Variants in LEF1 observed in about 807,000 individuals in gnomAD.
LEF1 encodes lymphoid enhancer-binding factor 1.
A neutral mutation model predicts 51.2 loss-of-function variants in LEF1; 14 were observed. The ratio of observed to expected loss-of-function variants is 0.27; its 90% CI spans 0.18 to 0.43. The LOEUF is 0.43. LEF1 is among the 20% of genes least tolerant of loss of function. The probability of loss-of-function intolerance (pLI) is 1.00; values close to 1 mark genes in which losing one functional copy is unlikely to be tolerated. For missense variants in LEF1, 386 were observed against 512.0 expected (o/e 0.75, Z 2.37); for synonymous variants, 185 against 183.2 (o/e 1.01, Z -0.08).
chr4:108,078,640 C>T (rs1299936834), intron 7 of LEF1, among the ~76,000 whole-genome samples: 1 of 152,126 alleles, frequency 6.6e-6, no homozygotes, highest in Non-Finnish European at 1.5e-5. Flanking sequence ...GAAAGTGGAC[C>T]TGTCATTATA....
At chr4:108,082,058 T>C (rs1739342181) in intron 5 of LEF1, among the ~76,000 whole-genome samples, 2 of 152,192 alleles carry the variant, frequency 1.3e-5, no homozygotes, top group Non-Finnish European at 2.9e-5. Flanking sequence ...ATCAGAATCT[T>C]TGAGAATTTC....
chr4:108,077,462 G>A (rs1738949902), intron 8 of LEF1, among the ~76,000 whole-genome samples: 1 of 124,276 alleles, frequency 8.0e-6, no homozygotes, highest in Non-Finnish European at 1.8e-5. Flanking sequence ...CCCAGTCTGG[G>A]AAGTGAGGGG....
intron 3 of LEF1, among the ~76,000 whole-genome samples, chr4:108,107,012 G>T (rs1741211495): frequency 6.6e-6 from 1 of 152,180 alleles, no homozygotes. Flanking sequence ...CCAACAGCTG[G>T]CTGGTCACTT....
intron 3 of LEF1, among the ~76,000 whole-genome samples, chr4:108,104,189 G>A (rs900252464): frequency 6.6e-6 from 1 of 151,964 alleles, no homozygotes; most frequent in Non-Finnish European, 1.5e-5. Flanking sequence ...ATATGTATAT[G>A]AAATGTCCGG....
intron 3 of LEF1, among the ~76,000 whole-genome samples, chr4:108,111,655 T>C (rs1316264462): frequency 6.6e-6 from 1 of 152,210 alleles, no homozygotes; most frequent in African/African-American, 2.4e-5. Flanking sequence ...CTCACGCCTG[T>C]AATCCTAGCA....
At chr4:108,067,675 G>A (rs1451281511) in intron 9 of LEF1, among the ~76,000 whole-genome samples, 2 of 151,816 alleles carry the variant, frequency 1.3e-5, no homozygotes, top group African/African-American at 2.4e-5. Flanking sequence ...GATTACAGGC[G>A]CACACCACCA....
At chr4:108,099,584 A>G (rs796996950) in intron 3 of LEF1, among the ~76,000 whole-genome samples, 3,531 of 30,222 alleles carry the variant, frequency 0.12, 255 homozygotes, top group Middle Eastern at 0.34. Context: ...ATATATATAT[A>G]TATATATATA....
At chr4:108,144,865 C>CAAAAA (rs11394687) in intron 3 of LEF1, among the ~76,000 whole-genome samples, 734 of 41,798 alleles carry the variant, frequency 0.018, 5 homozygotes, top group African/African-American at 0.022. Context: ...CCCAACCAGC[C>CAAAAA]AAAAAAAAAA....
chr4:108,092,811 C>A (rs1740109034), intron 3 of LEF1, among the ~76,000 whole-genome samples: 1 of 150,078 alleles, frequency 6.7e-6, no homozygotes, highest in Admixed American at 6.7e-5. Context: ...ATTCTAGCAC[C>A]AATGACCAAC....
intron 11 of LEF1, among the ~76,000 whole-genome samples, chr4:108,054,333 T>C (rs1007570280): frequency 6.6e-6 from 1 of 152,194 alleles, no homozygotes; most frequent in Non-Finnish European, 1.5e-5. Flanking sequence ...TGAAGCAGCG[T>C]AGTGAGTGCA....
chr4:108,084,762 T>C (rs1300080639), intron 4 of LEF1, among the ~76,000 whole-genome samples: 1 of 152,200 alleles, frequency 6.6e-6, no homozygotes, highest in Non-Finnish European at 1.5e-5. Flanking sequence ...AAATACTGAC[T>C]CTTTTGGTTA....
At chr4:108,147,536 A>C (rs1201304868) in intron 3 of LEF1, among the ~76,000 whole-genome samples, 1 of 152,206 alleles carries the variant, frequency 6.6e-6, no homozygotes, top group Non-Finnish European at 1.5e-5. Flanking sequence ...CTATAGATAC[A>C]TAAGAAGCCC....
At chr4:108,131,814 A>T (rs1742916631) in intron 3 of LEF1, among the ~76,000 whole-genome samples, 1 of 152,232 alleles carries the variant, frequency 6.6e-6, no homozygotes, top group Non-Finnish European at 1.5e-5. Flanking sequence ...AAAAACTCCC[A>T]GTAAAAAAAA....
At chr4:108,049,711 A>T (rs1456303518) in intron 11 of LEF1, among the ~76,000 whole-genome samples, 1 of 152,260 alleles carries the variant, frequency 6.6e-6, no homozygotes, top group African/African-American at 2.4e-5. Context: ...TTACAAGCAC[A>T]AGTTTCCTTT....
At chr4:108,091,700 G>C (rs1370947345) in intron 3 of LEF1, among the ~76,000 whole-genome samples, 1 of 151,956 alleles carries the variant, frequency 6.6e-6, no homozygotes, top group Non-Finnish European at 1.5e-5. Context: ...AATGCTTTTC[G>C]AGTGTTAATG....
intron 3 of LEF1, among the ~76,000 whole-genome samples, chr4:108,163,315 C>A (rs1745178117): frequency 6.6e-6 from 1 of 152,044 alleles, no homozygotes; most frequent in African/African-American, 2.4e-5. Context: ...GATGTAACTT[C>A]ACTTGATTTT....
At chr4:108,109,794 T>G (rs189723647) in intron 3 of LEF1, among the ~76,000 whole-genome samples, 3 of 152,256 alleles carry the variant, frequency 2.0e-5, no homozygotes, top group Admixed American at 2.0e-4. Flanking sequence ...ATGGTTTTTT[T>G]AATCCAGAGA....
At chr4:108,079,455 CT>C in intron 7 of LEF1, 36 bp downstream of exon 7, 1 of 1,611,736 alleles carries the variant, frequency 6.2e-7, no homozygotes, top group Non-Finnish European at 8.5e-7. Context: ...CCTCAGTATC[CT>C]AAGGCAATCA....
At chr4:108,166,183 C>A in intron 1 of LEF1, 1 of 1,390,654 alleles carries the variant, frequency 7.2e-7, no homozygotes, top group South Asian at 1.5e-5. Flanking sequence ...TACCCCCGCC[C>A]CCAGCCCGCT....
Sources: allele counts gnomAD v4.1 joint callset (sites outside exome capture counted in the v4.1 genomes callset), GRCh38; gene constraint gnomAD v4.1.1; transcripts MANE v1.5; gene names NCBI Gene and HGNC (gene_info 2026-07-23, HGNC 2026-07-21).